INO80D: variants seen among roughly 807,000 people sequenced by gnomAD.
The protein encoded by INO80D is INO80 complex subunit D.
In INO80D, 21 loss-of-function variants were observed where a neutral mutation model predicts 87.6. The observed-to-expected ratio is 0.24, with a 90% CI of 0.17 to 0.35. The LOEUF is 0.35. Among genes scored for constraint, INO80D ranks in the 10% least tolerant of loss-of-function variants. INO80D has a pLI of 1.00. For missense variants in INO80D, 982 were observed against 1,280.7 expected (o/e 0.77, Z 3.56); for synonymous variants, 440 against 491.0 (o/e 0.90, Z 1.37).
intron 9 of INO80D, among the ~76,000 whole-genome samples, chr2:206,008,373 C>T (rs1249076710): frequency 3.3e-5 from 5 of 151,238 alleles, no homozygotes; most frequent in Non-Finnish European, 5.9e-5. Context: ...CTCCACCTCC[C>T]GTGTTCCAGC....
At chr2:206,084,262 CA>C (rs1396796659) in intron 1 of INO80D, among the ~76,000 whole-genome samples, 43 of 146,772 alleles carry the variant, frequency 2.9e-4, no homozygotes, top group Admixed American at 2.6e-3. Context: ...CACACACACA[CA>C]CACACACACA....
intron 1 of INO80D, among the ~76,000 whole-genome samples, chr2:206,069,349 AAATAT>A (rs1208693415): frequency 1.3e-5 from 2 of 152,110 alleles, no homozygotes; most frequent in Non-Finnish European, 2.9e-5. Flanking sequence ...TGTATTGTAA[AAATAT>A]AATATATAAT....
chr2:206,036,373 TG>T (rs1688894039), intron 5 of INO80D, among the ~76,000 whole-genome samples: 1 of 152,082 alleles, frequency 6.6e-6, no homozygotes, highest in Non-Finnish European at 1.5e-5. Context: ...ATAAAGAAAC[TG>T]TGGTATATGA....
At chr2:206,023,466 G>A (rs1559438509) in intron 6 of INO80D, among the ~76,000 whole-genome samples, 1 of 151,854 alleles carries the variant, frequency 6.6e-6, no homozygotes, top group Non-Finnish European at 1.5e-5. Flanking sequence ...GGCAGATCAC[G>A]AGGTCAGGAG....
At chr2:206,075,537 A>C (rs1559466048) in intron 1 of INO80D, among the ~76,000 whole-genome samples, 1 of 151,612 alleles carries the variant, frequency 6.6e-6, no homozygotes, top group Non-Finnish European at 1.5e-5. Context: ...CCCATTTTCA[A>C]GTGATTCTCC....
At chr2:206,031,510 C>A (rs1398315763) in intron 5 of INO80D, among the ~76,000 whole-genome samples, 4 of 152,200 alleles carry the variant, frequency 2.6e-5, no homozygotes, top group Non-Finnish European at 4.4e-5. Flanking sequence ...GCCCCTGCCA[C>A]CGCTATCACC....
Position 206,017,845 on chromosome 2 carries a change from CTG to C in INO80D, c.1409-34_1409-33del, listed in dbSNP as rs1688359760. The C allele has an allele frequency of 3.2e-6, 5 of 1,568,864 alleles. No homozygotes were observed. In the South Asian group the frequency reaches 5.9e-5, roughly 19 times the overall value. Reference sequence around the variant, plus strand: ...TTTTTTAAGTTAGGAGTAAAATACACTGAAACTCTAATTTTTCAATTTCTATA... The same window carrying C: ...TTTTTTAAGTTAGGAGTAAAATACACAAACTCTAATTTTTCAATTTCTATA... On this transcript the variant is annotated intron_variant, in intron 7 of 10. Transcript: ENST00000403263.
rs1043932631 is a variant in INO80D at position 206,064,260 on chromosome 2, C to T, written c.-123-1016G>A. On this transcript the variant is annotated intron_variant, in intron 1 of 10. Coordinates refer to ENST00000403263, the MANE Select transcript of INO80D (RefSeq NM_017759.5). ...ACACAATACTCACTACCAATCTACA[C>T]GCAAAAGGCCCAGTGGTAGGATTTA... Among the ~76,000 whole-genome samples, 8 of 152,164 alleles carry T rather than the reference C, an allele frequency of 5.3e-5. No homozygotes were observed. The East Asian group carries it at 1.3e-3, about 26-fold the overall frequency.
chr2:206,021,850 G>GT (rs1285404982), intron 6 of INO80D, among the ~76,000 whole-genome samples: 1 of 151,858 alleles, frequency 6.6e-6, no homozygotes, highest in Non-Finnish European at 1.5e-5. Flanking sequence ...CTGACCTCAG[G>GT]TGATCCACCT....
At chr2:206,075,861 C>T (rs1690102960) in intron 1 of INO80D, among the ~76,000 whole-genome samples, 2 of 151,292 alleles carry the variant, frequency 1.3e-5, no homozygotes, top group Non-Finnish European at 2.9e-5. Context: ...CGAGACCAGC[C>T]CGGCCAATAT....
intron 1 of INO80D, among the ~76,000 whole-genome samples, chr2:206,084,950 T>A (rs936540906): frequency 6.6e-6 from 1 of 151,598 alleles, no homozygotes; most frequent in African/African-American, 2.4e-5. Context: ...CTCCCCAACC[T>A]GGGGGGCTCT....
intron 8 of INO80D, among the ~76,000 whole-genome samples, chr2:206,013,641 ACAGTATCTTCCT>A (rs2105808112): frequency 6.6e-6 from 1 of 152,216 alleles, no homozygotes; most frequent in East Asian, 1.9e-4. Flanking sequence ...TTTCTACTTA[ACAGTATCTTCCT>A]CAGTATCTTA....
rs147226445 is a variant in INO80D, at chr2:206,084,213, A to AT, written c.-124+1687dup. On this transcript the variant is annotated intron_variant, in intron 1 of 10. Coordinates refer to ENST00000403263, the MANE Select transcript of INO80D (RefSeq NM_017759.5). ...ATATAAAATATATACATACACATAT[A>AT]TTTTTTTTTCGTTTAAATGTTATAC... Among the ~76,000 whole-genome samples, 725 of 148,212 alleles carry AT rather than the reference A, an allele frequency of 4.9e-3. 9 individuals are homozygous for AT. Among genetic ancestry groups the AT allele is most frequent in the African/African-American group, 0.017 (677 of 39,962 alleles).
intron 8 of INO80D, among the ~76,000 whole-genome samples, chr2:206,013,623 T>C (rs975683396): frequency 6.6e-6 from 1 of 151,704 alleles, no homozygotes; most frequent in Non-Finnish European, 1.5e-5. Flanking sequence ...GACACTGAAG[T>C]ACAGTTTTTT....
intron 8 of INO80D, 102 bp downstream of exon 8, chr2:206,017,578 G>C: frequency 3.2e-6 from 3 of 932,100 alleles, no homozygotes. Flanking sequence ...CTCAAAACTT[G>C]TTTCAGTGAT....
At chr2:206,053,973 G>A (rs1689443272) in intron 4 of INO80D, among the ~76,000 whole-genome samples, 1 of 151,762 alleles carries the variant, frequency 6.6e-6, no homozygotes. Flanking sequence ...CCAAGTAGCT[G>A]GGATTACAGG....
At chr2:206,015,975 T>G (rs953391688) in intron 8 of INO80D, among the ~76,000 whole-genome samples, 18 of 152,058 alleles carry the variant, frequency 1.2e-4, no homozygotes, top group Non-Finnish European at 2.2e-4. Flanking sequence ...TCTGCTAGAA[T>G]AGTGCAGAAG....
In INO80D at chr2:206,001,432, G is replaced by C. The variant is rs1335983508; in HGVS notation, c.*2936C>G. 1.3e-5 allele frequency: 2 copies of C among 152,110 alleles called. No homozygotes were observed. 9.4% of individuals were successfully genotyped at this position (152,110 alleles called of 1,614,324 possible). A position where few individuals can be genotyped will look rare whatever the true frequency, so the allele number is the denominator to read the frequency against. On this transcript the variant is annotated 3_prime_UTR_variant, in exon 11 of 11. Coordinates refer to ENST00000403263, the MANE Select transcript of INO80D (RefSeq NM_017759.5). Reference sequence around the variant, plus strand: ...ACTTCTTTGCCACTATTTCTCCTGGGTTCAACACTAGAATAAAAGCTAGTT... The same window carrying C: ...ACTTCTTTGCCACTATTTCTCCTGGCTTCAACACTAGAATAAAAGCTAGTT...
chr2:206,029,253 T>A (rs1575820785), intron 5 of INO80D, among the ~76,000 whole-genome samples: 1 of 152,258 alleles, frequency 6.6e-6, no homozygotes, highest in East Asian at 1.9e-4. Flanking sequence ...AGGGATTACA[T>A]AAAGGATTTT....
Sources: allele counts gnomAD v4.1 joint callset (sites outside exome capture counted in the v4.1 genomes callset), GRCh38; gene constraint gnomAD v4.1.1; transcripts MANE v1.5; gene names NCBI Gene and HGNC (gene_info 2026-07-23, HGNC 2026-07-21).